PRLR: variants seen among roughly 807,000 people sequenced by gnomAD.
The protein encoded by PRLR is prolactin receptor, also known as hPRL receptor.
In PRLR, 13 loss-of-function variants were observed where a neutral mutation model predicts 40.2. The observed-to-expected ratio is 0.32, with a 90% CI of 0.21 to 0.51. The LOEUF is 0.51. Ranked by LOEUF, PRLR falls within the 20% of genes least tolerant of loss-of-function variation. The pLI, the probability that PRLR is intolerant of heterozygous loss-of-function variation, is 0.97. For missense variants in PRLR, 656 were observed against 747.3 expected, an observed-to-expected ratio of 0.88 and a Z score of 1.42; for synonymous variants, 269 against 278.7, an observed-to-expected ratio of 0.97 and a Z score of 0.35.
chr5:35,118,193 C>T (rs1773139204), intron 1 of PRLR, 71 bp from the exon 2 acceptor site: 1 of 746,166 alleles, frequency 1.3e-6, no homozygotes, highest in East Asian at 1.3e-4. Context: ...GCTCACTCTG[C>T]AGTACGTAGC....
intron 2 of PRLR, among the ~76,000 whole-genome samples, chr5:35,100,183 CA>C (rs35912961): frequency 0.061 from 3,996 of 65,026 alleles, 101 homozygotes; most frequent in African/African-American, 0.15. Flanking sequence ...GACTCTGTCT[CA>C]AAAAAAAAAA....
At chr5:35,199,575 T>C (rs1314105739) in intron 1 of PRLR, among the ~76,000 whole-genome samples, 4 of 52,046 alleles carry the variant, frequency 7.7e-5, no homozygotes, top group Non-Finnish European at 1.5e-4. Context: ...CTTCAAAAAT[T>C]GGAAATTGAA....
At chr5:35,081,969 G>A (rs1390890117) in intron 5 of PRLR, 2 of 189,438 alleles carry the variant, frequency 1.1e-5, no homozygotes, top group Non-Finnish European at 2.3e-5. Flanking sequence ...ACAGGGTGGT[G>A]GACTCATGGT....
Position 35,055,823 on chromosome 5 carries a change from A to G in PRLR, c.*9266T>C, listed in dbSNP as rs1217242490. 1.3e-5 allele frequency: 2 copies of G among 152,232 alleles called. No homozygotes were observed. The highest frequency in any genetic ancestry group is 4.8e-5 in the African/African-American group (2 of 41,462). The allele number at this position is 152,232 out of a possible 1,614,324, so 9.4% of individuals were successfully genotyped here. On this transcript the variant is annotated 3_prime_UTR_variant, in exon 10 of 10. Transcript: ENST00000618457. ...AGTTACATAGTTCAGCAACAATATCAATATTGATTATATAAAGTAAAACTA... is the reference window on the plus strand; with the variant it reads ...AGTTACATAGTTCAGCAACAATATCGATATTGATTATATAAAGTAAAACTA...
At chr5:35,209,159 G>C (rs1554056313) in intron 1 of PRLR, among the ~76,000 whole-genome samples, 1 of 150,746 alleles carries the variant, frequency 6.6e-6, no homozygotes, top group South Asian at 2.1e-4. Context: ...TTTTCTTCTG[G>C]GTGATGAGAT....
At chr5:35,205,486 C>G (rs936780945) in intron 1 of PRLR, among the ~76,000 whole-genome samples, 3 of 149,610 alleles carry the variant, frequency 2.0e-5, no homozygotes, top group African/African-American at 7.3e-5. Flanking sequence ...AACTGTTCGG[C>G]TATCCTCTGC....
chr5:35,074,938 T>G (rs1247432529), intron 5 of PRLR, among the ~76,000 whole-genome samples: 2 of 152,150 alleles, frequency 1.3e-5, no homozygotes, highest in Non-Finnish European at 2.9e-5. Context: ...TGACATTTTC[T>G]CCATTCATTT....
At chr5:35,191,227 C>T (rs1436412750) in intron 1 of PRLR, among the ~76,000 whole-genome samples, 5 of 127,868 alleles carry the variant, frequency 3.9e-5, no homozygotes, top group South Asian at 2.5e-4. Context: ...CCCGCCACTA[C>T]GCCCGGCTAA....
intron 1 of PRLR, among the ~76,000 whole-genome samples, chr5:35,171,859 T>C (rs778498214): frequency 3.3e-5 from 5 of 152,330 alleles, no homozygotes; most frequent in African/African-American, 4.8e-5. Flanking sequence ...AGATGATATC[T>C]TTTAAAGAAC....
At chr5:35,119,632 C>G (rs938793340) in intron 1 of PRLR, among the ~76,000 whole-genome samples, 11 of 152,246 alleles carry the variant, frequency 7.2e-5, no homozygotes, top group African/African-American at 2.6e-4. Context: ...TGCAGTGACA[C>G]CAAATTTTCT....
chr5:35,139,008 G>A (rs1440170831), intron 1 of PRLR, among the ~76,000 whole-genome samples: 1 of 152,060 alleles, frequency 6.6e-6, no homozygotes, highest in African/African-American at 2.4e-5. Context: ...AATAAGGAAA[G>A]AAAAAAATAC....
intron 1 of PRLR, chr5:35,195,153 T>C (rs1775702256): frequency 6.6e-6 from 1 of 152,266 alleles, no homozygotes; most frequent in Non-Finnish European, 1.5e-5. Context: ...GTTCCCTGTC[T>C]GGCCTCTCTC....
intron 5 of PRLR, among the ~76,000 whole-genome samples, chr5:35,075,660 G>A (rs563529526): frequency 2.6e-5 from 4 of 152,328 alleles, no homozygotes; most frequent in South Asian, 2.1e-4. Context: ...AGACTTAAAC[G>A]TCCCTGTCTG....
At chr5:35,199,401 A>G (rs1434728599) in intron 1 of PRLR, among the ~76,000 whole-genome samples, 1 of 152,198 alleles carries the variant, frequency 6.6e-6, no homozygotes, top group Non-Finnish European at 1.5e-5. Context: ...AACAGCTGTG[A>G]TCTACTTTAT....
intron 8 of PRLR, 67 bp downstream of exon 8, chr5:35,068,712 A>ATTT (rs369664121): frequency 9.1e-6 from 9 of 984,354 alleles, no homozygotes; most frequent in Middle Eastern, 2.3e-4. Context: ...TCATCTTTGT[A>ATTT]TTTTTTTTTT....
chr5:35,087,422 TTGTGTGTGTGTGTG>T (rs10691744), intron 3 of PRLR, among the ~76,000 whole-genome samples: 3 of 140,936 alleles, frequency 2.1e-5, no homozygotes, highest in South Asian at 2.4e-4. Flanking sequence ...TCTCTTTCCT[TTGTGTGTGTGTGTG>T]TGTGTGTGTG....
intron 2 of PRLR, among the ~76,000 whole-genome samples, chr5:35,095,928 C>T (rs113580965): frequency 2.6e-5 from 4 of 152,310 alleles, no homozygotes; most frequent in African/African-American, 9.6e-5. Context: ...AGATATTCCC[C>T]TGCCCCTCTC....
chr5:35,212,859 G>A (rs1047442828), intron 1 of PRLR, among the ~76,000 whole-genome samples: 5 of 152,208 alleles, frequency 3.3e-5, no homozygotes, highest in Non-Finnish European at 5.9e-5. Flanking sequence ...CTCTGGCTCA[G>A]CAGCCAAGTC....
At chr5:35,150,658 G>T (rs1774316461) in intron 1 of PRLR, among the ~76,000 whole-genome samples, 1 of 152,054 alleles carries the variant, frequency 6.6e-6, no homozygotes, top group Non-Finnish European at 1.5e-5. Flanking sequence ...AAAGATATAT[G>T]ATAAATATTG....
Sources: gnomAD v4.1 joint callset for allele counts (sites outside exome capture counted in the v4.1 genomes callset) on GRCh38, gnomAD v4.1.1 for gene constraint, MANE v1.5 for transcripts, NCBI Gene and HGNC (gene_info 2026-07-23, HGNC 2026-07-21) for gene names.